MCPH1: variants seen among roughly 807,000 people sequenced by gnomAD.
The protein encoded by MCPH1 is microcephalin.
MCPH1 carries 104 observed loss-of-function variants against 84.5 expected under a neutral mutation model. The observed-to-expected ratio is 1.23, with a 90% CI of 1.05 to 1.45. The LOEUF is 1.45. MCPH1 is among the 40% of genes most tolerant of loss of function. MCPH1 has a pLI of 0.00. For missense variants in MCPH1, 1,498 were observed against 1,005.7 expected, an observed-to-expected ratio of 1.49 and a Z score of -6.62; for synonymous variants, 514 against 366.8, an observed-to-expected ratio of 1.40 and a Z score of -4.58.
At chr8:6,438,762 G>A (rs146001462) in intron 5 of MCPH1, among the ~76,000 whole-genome samples, 191 bp from the exon 6 acceptor site, 15 of 152,314 alleles carry the variant, frequency 9.8e-5, no homozygotes, top group Non-Finnish European at 1.3e-4. Context: ...CAGCAGATGT[G>A]AGCCAGCAGC....
At chr8:6,618,196 C>A (rs772263873) in intron 12 of MCPH1, among the ~76,000 whole-genome samples, 8 of 152,214 alleles carry the variant, frequency 5.3e-5, no homozygotes, top group Non-Finnish European at 8.8e-5. Context: ...GCCTTGATCT[C>A]CAGGTAACAC....
intron 8 of MCPH1, chr8:6,446,551 T>G: frequency 1.0e-6 from 1 of 983,164 alleles, no homozygotes. Context: ...ATATATTAAA[T>G]TTGACAAGAA....
At chr8:6,431,429 C>G (rs1192432883) in intron 3 of MCPH1, 70 bp from the exon 4 acceptor site, 2 of 1,138,800 alleles carry the variant, frequency 1.8e-6, no homozygotes, top group East Asian at 4.7e-5. Context: ...AATACATGTG[C>G]AGATTTAGTG....
At chr8:6,638,106 A>G (rs1797688161) in intron 13 of MCPH1, among the ~76,000 whole-genome samples, 1 of 151,934 alleles carries the variant, frequency 6.6e-6, no homozygotes, top group Admixed American at 6.6e-5. Flanking sequence ...ATGTGATATG[A>G]GCAGATGAAA....
Position 6,449,463 on chromosome 8 carries a change from A to G in MCPH1, c.1825+3916A>G, listed in dbSNP as rs1389031458. Among the ~76,000 whole-genome samples, 7 of 152,088 alleles carry G rather than the reference A, an allele frequency of 4.6e-5. No individual in the cohort carries two copies. The South Asian group carries it at 8.3e-4, about 18-fold the overall frequency. The stretch of plus-strand genomic sequence containing the variant: ...AACCTGACCAACATAGTGAAACCCC[A>G]TTTCTACTAAAATTACAAAATTAGC... On this transcript the variant is annotated intron_variant, in intron 8 of 13. Transcript: ENST00000344683.
chr8:6,602,802 C>T (rs556630024), intron 12 of MCPH1, among the ~76,000 whole-genome samples: 6 of 152,086 alleles, frequency 3.9e-5, no homozygotes, highest in Non-Finnish European at 7.4e-5. Context: ...TCCCCACTCT[C>T]GGAAGCATAT....
chr8:6,412,029 C>T (rs919226811), intron 2 of MCPH1, among the ~76,000 whole-genome samples: 1 of 152,118 alleles, frequency 6.6e-6, no homozygotes, highest in African/African-American at 2.4e-5. Context: ...TAGGGTGGAG[C>T]AAGAGAGCTG....
chr8:6,518,052 C>G (rs139707776), intron 12 of MCPH1, among the ~76,000 whole-genome samples: 4 of 152,024 alleles, frequency 2.6e-5, no homozygotes, highest in African/African-American at 7.2e-5. Context: ...ATATTTTCAT[C>G]TTTCTGCAGA....
chr8:6,498,785 A>G (rs1192171929), intron 11 of MCPH1, among the ~76,000 whole-genome samples: 1 of 152,088 alleles, frequency 6.6e-6, no homozygotes, highest in Non-Finnish European at 1.5e-5. Context: ...TATTGTTAGT[A>G]TATCTCCTTA....
At chr8:6,628,412 G>C (rs918348201) in intron 13 of MCPH1, among the ~76,000 whole-genome samples, 1 of 142,214 alleles carries the variant, frequency 7.0e-6, no homozygotes, top group Non-Finnish European at 1.5e-5. Context: ...AGAGCTTGCA[G>C]TGAGCCGAGA....
At chr8:6,629,753 A>T (rs1050819540) in intron 13 of MCPH1, among the ~76,000 whole-genome samples, 39 of 152,358 alleles carry the variant, frequency 2.6e-4, no homozygotes, top group Non-Finnish European at 2.9e-5. Context: ...CACCTGCAGA[A>T]ATCTGCTTTT....
At chr8:6,455,313 C>T in intron 9 of MCPH1, 61 bp downstream of exon 9, 1 of 1,193,910 alleles carries the variant, frequency 8.4e-7, no homozygotes, top group Non-Finnish European at 1.3e-6. Context: ...ATGTTCTTCT[C>T]TGGGTCAATG....
At chr8:6,416,428 A>G (rs1301833640) in intron 3 of MCPH1, among the ~76,000 whole-genome samples, 4 of 152,136 alleles carry the variant, frequency 2.6e-5, no homozygotes, top group Non-Finnish European at 5.9e-5. Flanking sequence ...ATTATTTCGT[A>G]TGATGGTAAC....
intron 12 of MCPH1, chr8:6,502,213 T>C (rs904004608): frequency 1.3e-5 from 2 of 152,150 alleles, no homozygotes; most frequent in African/African-American, 2.4e-5. Flanking sequence ...GTAAGAAGTT[T>C]CCTTATCACA....
chr8:6,515,431 G>T (rs867311072), intron 12 of MCPH1, among the ~76,000 whole-genome samples: 6 of 152,144 alleles, frequency 3.9e-5, no homozygotes, highest in Admixed American at 2.6e-4. Flanking sequence ...GGCCTCAAGG[G>T]CATGACTTCA....
At chr8:6,558,514 A>T (rs2959767) in intron 12 of MCPH1, among the ~76,000 whole-genome samples, 20,616 of 152,190 alleles carry the variant, frequency 0.14, 3,887 homozygotes, top group African/African-American at 0.43. Context: ...TAAGACCATT[A>T]TCCTTCTCAA....
intron 3 of MCPH1, among the ~76,000 whole-genome samples, chr8:6,419,142 CA>C (rs1799768351): frequency 7.7e-5 from 9 of 117,480 alleles, no homozygotes; most frequent in Non-Finnish European, 1.5e-4. Flanking sequence ...CACACACACA[CA>C]CACACACAGA....
chr8:6,599,855 A>G (rs1373696946), intron 12 of MCPH1, among the ~76,000 whole-genome samples: 1 of 152,234 alleles, frequency 6.6e-6, no homozygotes, highest in African/African-American at 2.4e-5. Flanking sequence ...CCATATACCA[A>G]TTTTTGTAAT....
intron 10 of MCPH1, among the ~76,000 whole-genome samples, chr8:6,479,400 T>C (rs1240728060): frequency 1.4e-5 from 2 of 147,254 alleles, no homozygotes; most frequent in African/African-American, 2.6e-5. Context: ...TTATTTCTTT[T>C]TCTATTTATT....
Sources: allele counts gnomAD v4.1 joint callset (sites outside exome capture counted in the v4.1 genomes callset), GRCh38; gene constraint gnomAD v4.1.1; transcripts MANE v1.5; gene names NCBI Gene and HGNC (gene_info 2026-07-23, HGNC 2026-07-21).